ZBTB20: variants seen among roughly 807,000 people sequenced by gnomAD.
The protein encoded by ZBTB20 is zinc finger and BTB domain-containing protein 20.
Under a neutral mutation model 56.9 loss-of-function variants are expected in ZBTB20, and 9 were observed. That is an observed-to-expected ratio of 0.16 (90% CI 0.10 to 0.28). ZBTB20 has a LOEUF of 0.28. Among genes scored for constraint, ZBTB20 ranks in the 10% least tolerant of loss-of-function variants. The probability of loss-of-function intolerance (pLI) is 1.00; values close to 1 mark genes in which losing one functional copy is unlikely to be tolerated. For synonymous variants in ZBTB20, 417 were observed against 420.7 expected, an observed-to-expected ratio of 0.99 and a Z score of 0.11; for missense variants, 655 against 1,003.0, an observed-to-expected ratio of 0.65 and a Z score of 4.69.
chr3:114,590,991 T>G (rs1560004434), intron 6 of ZBTB20, among the ~76,000 whole-genome samples: 1 of 152,232 alleles, frequency 6.6e-6, no homozygotes, highest in Non-Finnish European at 1.5e-5. Flanking sequence ...TTTGTCATTA[T>G]CAGACCTCAG....
chr3:114,598,401 T>C (rs1015203280), intron 6 of ZBTB20, among the ~76,000 whole-genome samples: 1 of 19,070 alleles, frequency 5.2e-5, no homozygotes, highest in Admixed American at 1.0e-3. Context: ...TACTGTAAAG[T>C]TGCTAAAAAA....
chr3:114,351,256 G>C lies in ZBTB20; in HGVS notation c.822C>G (p.Leu274=). Residue 274 remains leucine (L), a synonymous_variant, in exon 11 of 12, where the codon CTC becomes CTG. Coordinates refer to ENST00000675478, the MANE Select transcript of ZBTB20 (RefSeq NM_001348800.3). ...CCATGTGGTGGTCGCGGGGCAGGCC[G>C]AGCGCAGTCTCGTGGTGGCTGACCA... ...GAVVSHHETA[L]GLPRDHHMED... The C allele has an allele frequency of 2.5e-6, 4 of 1,601,034 alleles. No individual in the cohort carries two copies. Among genetic ancestry groups the C allele is most frequent in the Non-Finnish European group, 3.4e-6 (4 of 1,178,466 alleles).
chr3:114,647,694 T>C (rs28535432), intron 6 of ZBTB20, among the ~76,000 whole-genome samples: 19,371 of 152,142 alleles, frequency 0.13, 2,810 homozygotes, highest in African/African-American at 0.34. Context: ...GTATTACATA[T>C]ACAATGTGTA....
rs1327913617 is a variant in ZBTB20, at chr3:114,523,195, T to C, written c.-294-22804A>G. Among the ~76,000 whole-genome samples the C allele has an allele frequency of 2.6e-5, 4 of 152,296 alleles. No individual in the cohort carries two copies. The East Asian group carries it at 7.7e-4, about 29-fold the overall frequency. Reference sequence around the variant, plus strand: ...TTAATGGAGAATGAATAATGGGCCATGTAAAACAATTCTGAGACATCAGGA... The same window carrying C: ...TTAATGGAGAATGAATAATGGGCCACGTAAAACAATTCTGAGACATCAGGA... On this transcript the variant is annotated intron_variant, in intron 6 of 11. Transcript: ENST00000675478.
chr3:114,779,585 C>T lies in ZBTB20; in HGVS notation c.-343+21516G>A, dbSNP rs1416717296. Among the ~76,000 whole-genome samples, 5 of 152,056 alleles carry T rather than the reference C, an allele frequency of 3.3e-5. No homozygotes were observed. In the South Asian group the frequency reaches 1.0e-3, roughly 32 times the overall value. ...AAAATATAAAATAATTTTTAAAAAT[C>T]CTACTACAAAACTACCTTAACCCTT... On this transcript the variant is annotated intron_variant, in intron 5 of 11. Coordinates refer to ENST00000675478, the MANE Select transcript of ZBTB20 (RefSeq NM_001348800.3).
At chr3:114,667,892 C>T (rs2061148276) in intron 6 of ZBTB20, among the ~76,000 whole-genome samples, 1 of 151,806 alleles carries the variant, frequency 6.6e-6, no homozygotes, top group African/African-American at 2.4e-5. Context: ...CTGTTACAGG[C>T]CCACATGCTC....
chr3:114,717,420 T>G (rs1355716955), intron 5 of ZBTB20, among the ~76,000 whole-genome samples: 1 of 152,124 alleles, frequency 6.6e-6, no homozygotes, highest in Non-Finnish European at 1.5e-5. Flanking sequence ...CAAGATCTGT[T>G]GAATCTGAGC....
intron 3 of ZBTB20, among the ~76,000 whole-genome samples, chr3:114,904,116 A>AAT (rs1258022315): frequency 1.3e-5 from 2 of 150,722 alleles, no homozygotes; most frequent in Admixed American, 6.6e-5. Flanking sequence ...TATACTATAG[A>AAT]GTGTTTGTTT....
In ZBTB20 at chr3:114,332,404, TA is replaced by T. The variant is rs2079294024; in HGVS notation, c.*6600del. 1 of 152,348 alleles carries T rather than the reference TA, an allele frequency of 6.6e-6. No homozygotes were observed. Among genetic ancestry groups the T allele is most frequent in the African/African-American group, 2.4e-5 (1 of 41,572 alleles). The allele number at this position is 152,348 out of a possible 1,614,324, so 9.4% of individuals were successfully genotyped here. A position where few individuals can be genotyped will look rare whatever the true frequency, so the allele number is the denominator to read the frequency against. ...TTGTTCTCCTTGTTAAGGAAATGTT[TA>T]AAACTAGTACTCCCGGGCACCTGTG... On this transcript the variant is annotated 3_prime_UTR_variant, in exon 12 of 12. Coordinates refer to ENST00000675478, the MANE Select transcript of ZBTB20 (RefSeq NM_001348800.3).
At chr3:114,606,933 T>TA (rs989298492) in intron 6 of ZBTB20, among the ~76,000 whole-genome samples, 6 of 151,714 alleles carry the variant, frequency 4.0e-5, no homozygotes, top group Non-Finnish European at 8.8e-5. Context: ...CCGTCTTTAC[T>TA]AAAAAAATAC....
intron 10 of ZBTB20, among the ~76,000 whole-genome samples, chr3:114,361,538 AGG>A (rs1156628225): frequency 6.6e-6 from 1 of 152,204 alleles, no homozygotes; most frequent in Non-Finnish European, 1.5e-5. Flanking sequence ...TATACTTTAT[AGG>A]CTCCTTTGCC....
intron 2 of ZBTB20, among the ~76,000 whole-genome samples, chr3:115,002,394 T>G (rs2079288924): frequency 6.6e-6 from 1 of 151,524 alleles, no homozygotes; most frequent in South Asian, 2.1e-4. Flanking sequence ...AAATTAAAAC[T>G]TCCATATTTG....
chr3:114,383,135 A>G (rs1576500981), intron 8 of ZBTB20, among the ~76,000 whole-genome samples: 1 of 152,194 alleles, frequency 6.6e-6, no homozygotes, highest in Admixed American at 6.5e-5. Context: ...CTTTTGCTTT[A>G]AGTCTGTGAG....
intron 10 of ZBTB20, among the ~76,000 whole-genome samples, chr3:114,359,892 G>T (rs769890633): frequency 6.6e-6 from 1 of 151,952 alleles, no homozygotes; most frequent in Non-Finnish European, 1.5e-5. Flanking sequence ...TGTTCTTGTG[G>T]TCTCTACATA....
chr3:114,435,241 A>T (rs1024786088), intron 7 of ZBTB20, among the ~76,000 whole-genome samples: 1 of 152,206 alleles, frequency 6.6e-6, no homozygotes, highest in African/African-American at 2.4e-5. Flanking sequence ...TCTTTAAAAA[A>T]AAAAACTTGC....
At chr3:114,576,906 A>G (rs894730935) in intron 6 of ZBTB20, among the ~76,000 whole-genome samples, 3 of 152,126 alleles carry the variant, frequency 2.0e-5, no homozygotes, top group Non-Finnish European at 2.9e-5. Flanking sequence ...TAAAACGAAT[A>G]TTAGTTAATT....
chr3:114,399,865 C>T (rs756732273), intron 7 of ZBTB20, among the ~76,000 whole-genome samples: 1 of 151,868 alleles, frequency 6.6e-6, no homozygotes, highest in Non-Finnish European at 1.5e-5. Flanking sequence ...ATTGGCAATG[C>T]TTTATATATA....
chr3:114,392,008 G>C (rs898631913), intron 7 of ZBTB20, among the ~76,000 whole-genome samples: 18 of 152,128 alleles, frequency 1.2e-4, no homozygotes, highest in Non-Finnish European at 2.4e-4. Flanking sequence ...TCATTTATTT[G>C]CTTCAACAAA....
At chr3:114,443,847 T>C (rs2091089612) in intron 7 of ZBTB20, among the ~76,000 whole-genome samples, 1 of 152,210 alleles carries the variant, frequency 6.6e-6, no homozygotes, top group South Asian at 2.1e-4. Flanking sequence ...CGTTTTTCTC[T>C]TTACAGACGT....
Sources: gnomAD v4.1 joint callset for allele counts (sites outside exome capture counted in the v4.1 genomes callset) on GRCh38, gnomAD v4.1.1 for gene constraint, MANE v1.5 for transcripts, NCBI Gene and HGNC (gene_info 2026-07-23, HGNC 2026-07-21) for gene names.